The following NPAS3 variants were observed in gnomAD, a reference collection of about 807,000 sequenced individuals.
NPAS3 encodes neuronal PAS domain protein 3.
NPAS3 carries 14 observed loss-of-function variants against 73.1 expected under a neutral mutation model. That is an observed-to-expected ratio of 0.19 (90% CI 0.13 to 0.30). The LOEUF (loss-of-function observed/expected upper bound fraction) is 0.30. Ranked by LOEUF, NPAS3 falls within the 10% of genes least tolerant of loss-of-function variation. The pLI is 1.00. For missense variants in NPAS3, 1,096 were observed against 1,250.0 expected (o/e 0.88, Z 1.86); for synonymous variants, 620 against 541.5 (o/e 1.14, Z -2.01).
At chr14:33,793,711 C>T (rs2063430948) in intron 9 of NPAS3, among the ~76,000 whole-genome samples, 186 bp from the exon 10 acceptor site, 1 of 152,192 alleles carries the variant, frequency 6.6e-6, no homozygotes, top group Non-Finnish European at 1.5e-5. Flanking sequence ...TCCAGAGCTG[C>T]CGCTCCACTG....
rs17099816 is a variant in NPAS3 at position 32,992,568 on chromosome 14, G to A, written c.50+53202G>A. On this transcript the variant is annotated intron_variant, in intron 1 of 11. Transcript: ENST00000356141. ...TGGCATAAGGCTGAATGACAGGTAA[G>A]TTGCTGTAGTTATTGATGTTTTGGA... 5.1e-3 allele frequency among the ~76,000 whole-genome samples: 773 copies of A among 152,254 alleles called. 10 individuals are homozygous for A. Among genetic ancestry groups the A allele is most frequent in the African/African-American group, 0.018 (736 of 41,556 alleles).
chr14:33,216,291 A>G (rs943912658), intron 3 of NPAS3, among the ~76,000 whole-genome samples: 9 of 152,270 alleles, frequency 5.9e-5, no homozygotes, highest in African/African-American at 2.2e-4. Flanking sequence ...TCCTCTAGGG[A>G]AGAATTAGCT....
At chr14:33,211,056 C>G (rs1371851000) in intron 2 of NPAS3, among the ~76,000 whole-genome samples, 1 of 152,084 alleles carries the variant, frequency 6.6e-6, no homozygotes, top group Non-Finnish European at 1.5e-5. Flanking sequence ...TTTAACATGT[C>G]TTATACAGCA....
intron 1 of NPAS3, among the ~76,000 whole-genome samples, chr14:33,029,754 G>T (rs139043356): frequency 5.2e-4 from 79 of 152,282 alleles, no homozygotes; most frequent in African/African-American, 1.7e-3. Context: ...TGGCATAACA[G>T]TGGTGTGAAA....
chr14:33,640,710 G>C (rs958909033), intron 5 of NPAS3, among the ~76,000 whole-genome samples: 3 of 152,172 alleles, frequency 2.0e-5, no homozygotes, highest in Non-Finnish European at 4.4e-5. Flanking sequence ...GGGAAATGGG[G>C]GAGAACAAGT....
intron 4 of NPAS3, among the ~76,000 whole-genome samples, chr14:33,544,795 T>TATATATATA (rs2054717818): frequency 9.6e-6 from 1 of 104,260 alleles, no homozygotes; most frequent in Non-Finnish European, 1.8e-5. Flanking sequence ...GTATTATATA[T>TATATATATA]ATATATATAT....
chr14:33,322,089 T>A (rs2043473069), intron 3 of NPAS3, among the ~76,000 whole-genome samples: 1 of 152,182 alleles, frequency 6.6e-6, no homozygotes, highest in African/African-American at 2.4e-5. Flanking sequence ...CACAAGGACC[T>A]TTGTGCCTCC....
intron 3 of NPAS3, among the ~76,000 whole-genome samples, chr14:33,349,308 A>G (rs1041839900): frequency 2.0e-5 from 3 of 152,240 alleles, no homozygotes; most frequent in African/African-American, 7.2e-5. Context: ...TAGGTCCCTG[A>G]ATTCAAACCA....
intron 1 of NPAS3, among the ~76,000 whole-genome samples, chr14:32,979,209 A>G: frequency 6.6e-6 from 1 of 152,310 alleles, no homozygotes; most frequent in African/African-American, 2.4e-5. Flanking sequence ...ATTGTGTTTT[A>G]TCTTTAAAAG....
chr14:33,116,115 G>C (rs904024983), intron 2 of NPAS3, among the ~76,000 whole-genome samples: 1 of 151,870 alleles, frequency 6.6e-6, no homozygotes, highest in African/African-American at 2.4e-5. Context: ...GCCTTTTAGT[G>C]GCTTTTTGGA....
intron 5 of NPAS3, among the ~76,000 whole-genome samples, chr14:33,645,112 G>A (rs1402327677): frequency 1.3e-5 from 2 of 151,090 alleles, no homozygotes; most frequent in Non-Finnish European, 3.0e-5. Flanking sequence ...AAAGAAAAAA[G>A]ATGAGCGAAT....
chr14:32,998,294 G>T (rs772320308), intron 1 of NPAS3, among the ~76,000 whole-genome samples: 2 of 152,202 alleles, frequency 1.3e-5, no homozygotes, highest in South Asian at 2.1e-4. Flanking sequence ...CATATGCTAT[G>T]ATTTCATTTA....
At chr14:33,355,403 C>T (rs1229591763) in intron 3 of NPAS3, among the ~76,000 whole-genome samples, 5 of 152,236 alleles carry the variant, frequency 3.3e-5, no homozygotes, top group Non-Finnish European at 2.9e-5. Context: ...CAGGTTCAAG[C>T]GATTCTCCTG....
At chr14:33,101,496 A>T (rs1482831925) in intron 2 of NPAS3, among the ~76,000 whole-genome samples, 1 of 152,148 alleles carries the variant, frequency 6.6e-6, no homozygotes, top group Non-Finnish European at 1.5e-5. Flanking sequence ...AAAAGTTTTT[A>T]AAAATTGTAT....
At chr14:33,316,951 G>A (rs2043230415) in intron 3 of NPAS3, among the ~76,000 whole-genome samples, 1 of 152,086 alleles carries the variant, frequency 6.6e-6, no homozygotes, top group African/African-American at 2.4e-5. Context: ...AGTGGAAAAG[G>A]AAGTTTTAAT....
At chr14:33,506,191 A>G (rs562567610) in intron 4 of NPAS3, among the ~76,000 whole-genome samples, 1 of 152,126 alleles carries the variant, frequency 6.6e-6, no homozygotes. Flanking sequence ...TTCAAACACA[A>G]TACGGGCTTT....
chr14:33,489,125 A>G (rs1362765991), intron 4 of NPAS3, among the ~76,000 whole-genome samples: 1 of 152,186 alleles, frequency 6.6e-6, no homozygotes, highest in Non-Finnish European at 1.5e-5. Flanking sequence ...TCTGATGTGC[A>G]TTACAGAAGT....
At chr14:33,616,282 G>A (rs972170600) in intron 5 of NPAS3, among the ~76,000 whole-genome samples, 11 of 152,148 alleles carry the variant, frequency 7.2e-5, no homozygotes, top group Admixed American at 4.6e-4. Context: ...GATGTGCTTC[G>A]TATGAACTTA....
At chr14:33,788,803 G>C (rs2063258153) in intron 9 of NPAS3, among the ~76,000 whole-genome samples, 1 of 152,054 alleles carries the variant, frequency 6.6e-6, no homozygotes, top group Admixed American at 6.5e-5. Flanking sequence ...TCCCTCTGTT[G>C]GTAACTGTGT....
Sources: allele counts gnomAD v4.1 joint callset (sites outside exome capture counted in the v4.1 genomes callset), GRCh38; gene constraint gnomAD v4.1.1; transcripts MANE v1.5; gene names NCBI Gene and HGNC (gene_info 2026-07-23, HGNC 2026-07-21).